Variants in CTBP2 observed in about 807,000 individuals in gnomAD.
CTBP2 encodes C-terminal-binding protein 2.
A neutral mutation model predicts 80.3 loss-of-function variants in CTBP2; 30 were observed. The ratio of observed to expected loss-of-function variants is 0.37; its 90% CI spans 0.28 to 0.51. The LOEUF is 0.51. Ranked by LOEUF, CTBP2 falls within the 20% of genes least tolerant of loss-of-function variation. The pLI, the probability that CTBP2 is intolerant of heterozygous loss-of-function variation, is 0.93. For missense variants in CTBP2, 1,212 were observed against 1,375.3 expected, an observed-to-expected ratio of 0.88 and a Z score of 1.88; for synonymous variants, 594 against 587.4, an observed-to-expected ratio of 1.01 and a Z score of -0.16.
chr10:124,998,210 C>T (rs746768911), intron 3 of CTBP2, 40 bp from the exon 6 acceptor site: 2 of 1,564,562 alleles, frequency 1.3e-6, no homozygotes, highest in African/African-American at 2.7e-5. Flanking sequence ...GAGAAAACCT[C>T]AAGATCAGTG....
intron 1 of CTBP2, among the ~76,000 whole-genome samples, chr10:125,007,077 C>T (rs1414094422): frequency 6.6e-6 from 1 of 152,208 alleles, no homozygotes; most frequent in Non-Finnish European, 1.5e-5. Context: ...CCCTGGTGCC[C>T]TCTATGCGCT....
At chr10:124,997,752 T>C in intron 4 of CTBP2, 4 of 592,232 alleles carry the variant, frequency 6.8e-6, no homozygotes, top group Non-Finnish European at 1.2e-5. Flanking sequence ...TGGACACGCA[T>C]TCTTCCAGAA....
At chr10:125,039,015 A>C (rs773244071) in exon 3 of CTBP2, 1 of 1,613,482 alleles carries the variant, frequency 6.2e-7, no homozygotes, top group Non-Finnish European at 8.5e-7. Context: ...ATTCTGTCCA[A>C]TCGCTGTCTC....
intron 2 of CTBP2, among the ~76,000 whole-genome samples, chr10:125,086,000 G>A (rs1241295562): frequency 1.3e-5 from 2 of 152,220 alleles, no homozygotes; most frequent in African/African-American, 2.4e-5. Context: ...GATGCCCCAT[G>A]GCTGGCCTCC....
At chr10:125,034,499 C>T (rs1958633460) in intron 3 of CTBP2, among the ~76,000 whole-genome samples, 1 of 152,160 alleles carries the variant, frequency 6.6e-6, no homozygotes, top group Non-Finnish European at 1.5e-5. Flanking sequence ...TACAGCTAAT[C>T]ACATAATTGC....
intron 3 of CTBP2, among the ~76,000 whole-genome samples, chr10:125,036,671 GTGTGTGTGTGTGTGT>G (rs1958913527): frequency 3.2e-4 from 2 of 6,178 alleles, no homozygotes; most frequent in Admixed American, 1.5e-3. Flanking sequence ...TAGAGGGGGT[GTGTGTGTGTGTGTGT>G]GTGTGTGTGT....
upstream of CTBP2, among the ~76,000 whole-genome samples, chr10:125,028,379 C>T (rs1957868799): frequency 1.3e-5 from 2 of 152,192 alleles, no homozygotes; most frequent in Non-Finnish European, 2.9e-5. Context: ...TCTTAATCCA[C>T]CGTGATGAAA....
chr10:125,065,030 C>A (rs1413643177), intron 2 of CTBP2, among the ~76,000 whole-genome samples: 5 of 152,190 alleles, frequency 3.3e-5, no homozygotes, highest in African/African-American at 1.2e-4. Flanking sequence ...CTGTTTCACA[C>A]AGAACAGGAA....
intron 3 of CTBP2, among the ~76,000 whole-genome samples, chr10:125,035,482 G>A (rs1022766806): frequency 1.3e-5 from 2 of 152,154 alleles, no homozygotes; most frequent in East Asian, 1.9e-4. Flanking sequence ...CGAACAAAAC[G>A]CAGTAAAACG....
At chr10:124,991,670 G>A (rs923487149) in intron 8 of CTBP2, among the ~76,000 whole-genome samples, 10 of 152,128 alleles carry the variant, frequency 6.6e-5, no homozygotes, top group South Asian at 2.1e-4. Context: ...CTGGCATCCC[G>A]TGGGTAGAGG....
intron 2 of CTBP2, among the ~76,000 whole-genome samples, chr10:125,041,426 C>T (rs544197912): frequency 1.3e-5 from 2 of 151,880 alleles, no homozygotes; most frequent in Admixed American, 1.3e-4. Context: ...AAAAGAGTCC[C>T]TAACTATAGC....
chr10:125,109,115 T>C (rs1051026263), intron 2 of CTBP2, among the ~76,000 whole-genome samples: 6 of 152,236 alleles, frequency 3.9e-5, no homozygotes, highest in African/African-American at 1.4e-4. Flanking sequence ...GTGTCCTCAT[T>C]CAACCATTTT....
At chr10:125,119,542 G>C (rs1458892279) in intron 1 of CTBP2, among the ~76,000 whole-genome samples, 1 of 152,130 alleles carries the variant, frequency 6.6e-6, no homozygotes, top group African/African-American at 2.4e-5. Flanking sequence ...ATACTTCAAA[G>C]ACATAGGAAA....
chr10:125,037,171 G>T (rs914024152), intron 3 of CTBP2, among the ~76,000 whole-genome samples: 2 of 152,164 alleles, frequency 1.3e-5, no homozygotes, highest in Non-Finnish European at 2.9e-5. Flanking sequence ...CACATGAAGG[G>T]GGTGGGAAGG....
At chr10:125,126,426 G>C (rs989284380) in intron 1 of CTBP2, among the ~76,000 whole-genome samples, 21 of 152,276 alleles carry the variant, frequency 1.4e-4, no homozygotes, top group African/African-American at 4.8e-4. Context: ...CTCTTCCTTG[G>C]GTGCTGAACT....
intron 2 of CTBP2, among the ~76,000 whole-genome samples, chr10:125,045,160 A>C (rs999617128): frequency 3.3e-5 from 5 of 152,138 alleles, no homozygotes; most frequent in African/African-American, 1.2e-4. Context: ...CGTAGTACCC[A>C]ATAGATGATC....
At chr10:125,015,807 T>C (rs1956419102) in intron 1 of CTBP2, among the ~76,000 whole-genome samples, 1 of 152,246 alleles carries the variant, frequency 6.6e-6, no homozygotes, top group Non-Finnish European at 1.5e-5. Flanking sequence ...GTACGAATTG[T>C]TGCCAGAGGA....
intron 8 of CTBP2, 138 bp from the exon 11 acceptor site, chr10:124,989,836 C>T: frequency 1.3e-6 from 1 of 755,902 alleles, no homozygotes. Flanking sequence ...ACCTTCTGGG[C>T]TCAAGTGATC....
At position 125,003,440 on chromosome 10, in the gene CTBP2, C is replaced by T. The variant is rs201964242; in HGVS notation, c.1731G>A (p.Ala577=). The change falls in exon 2 of 9, where the codon GCG becomes GCA. Residue 577 remains alanine (A), a synonymous_variant. Transcript: ENST00000309035. ...CAGTGCAGTCGCGGCCGTCCAGCAGCGCCACCAGGGGGCGGGGGTGCAGGG... is the reference window on the plus strand; with the variant it reads ...CAGTGCAGTCGCGGCCGTCCAGCAGTGCCACCAGGGGGCGGGGGTGCAGGG... 2.3e-5 allele frequency: 36 copies of T among 1,582,762 alleles called. No individual in the cohort carries two copies. The highest frequency in any genetic ancestry group is 1.7e-4 in the Middle Eastern group (1 of 5,882).
Sources: allele counts gnomAD v4.1 joint callset (sites outside exome capture counted in the v4.1 genomes callset), GRCh38; gene constraint gnomAD v4.1.1; transcripts MANE v1.5; gene names NCBI Gene and HGNC (gene_info 2026-07-23, HGNC 2026-07-21).